The following EDIL3 variants were observed in gnomAD, a reference collection of about 807,000 sequenced individuals.
EDIL3 encodes EGF-like repeat and discoidin I-like domain-containing protein 3.
Under a neutral mutation model 67.4 loss-of-function variants are expected in EDIL3, and 37 were observed. The ratio of observed to expected loss-of-function variants is 0.55; its 90% confidence interval spans 0.42 to 0.72. The LOEUF (loss-of-function observed/expected upper bound fraction) is 0.72, where lower values mean the gene tolerates loss of function less well. Among genes scored for constraint, EDIL3 ranks in the 30% least tolerant of loss-of-function variants. EDIL3 has a pLI of 0.00. For synonymous variants in EDIL3, 195 were observed against 196.3 expected (o/e 0.99, Z 0.05); for missense variants, 527 against 586.3 (o/e 0.90, Z 1.04).
At position 84,071,652 on chromosome 5, in the gene EDIL3, C is replaced by A. The variant is rs1746742357; in HGVS notation, c.652-5046G>T. Among the ~76,000 whole-genome samples the A allele has an allele frequency of 2.0e-5, 3 of 152,096 alleles. No homozygotes were observed. In the South Asian group the frequency reaches 6.2e-4, roughly 32 times the overall value. Reference sequence around the variant, plus strand: ...GCAAGACAGTGTTATAAAACCCTTTCCAGAAGGGAAGAGGATGGATTGCTG... The same window carrying A: ...GCAAGACAGTGTTATAAAACCCTTTACAGAAGGGAAGAGGATGGATTGCTG... On this transcript the variant is annotated intron_variant, in intron 6 of 10. Transcript: ENST00000296591.
chr5:83,997,538 A>T (rs1045550827), intron 9 of EDIL3, among the ~76,000 whole-genome samples: 3 of 152,152 alleles, frequency 2.0e-5, no homozygotes, highest in African/African-American at 7.2e-5. Flanking sequence ...TAGATAGAAA[A>T]GGTAAGCCAT....
chr5:84,357,887 CAAAAAAAAAA>C (rs140686250), intron 1 of EDIL3, among the ~76,000 whole-genome samples: 4 of 79,274 alleles, frequency 5.0e-5, no homozygotes, highest in African/African-American at 2.0e-4. Context: ...GACTCAGTCT[CAAAAAAAAAA>C]AAAAAAAAAA....
At chr5:84,039,663 A>G (rs1746085827) in intron 9 of EDIL3, among the ~76,000 whole-genome samples, 1 of 152,146 alleles carries the variant, frequency 6.6e-6, no homozygotes. Context: ...TGAAAATAGG[A>G]TTGCTGAATT....
At chr5:84,263,979 C>T (rs1745291751) in intron 1 of EDIL3, among the ~76,000 whole-genome samples, 1 of 152,160 alleles carries the variant, frequency 6.6e-6, no homozygotes, top group African/African-American at 2.4e-5. Flanking sequence ...ATGGCTCATG[C>T]CTGTAATCCT....
intron 1 of EDIL3, among the ~76,000 whole-genome samples, chr5:84,344,249 A>G (rs1747191365): frequency 6.6e-6 from 1 of 152,140 alleles, no homozygotes; most frequent in South Asian, 2.1e-4. Context: ...GGCACCATTT[A>G]CCAATTCCTT....
intron 1 of EDIL3, among the ~76,000 whole-genome samples, chr5:84,280,450 G>A (rs890539136): frequency 2.0e-5 from 3 of 152,056 alleles, no homozygotes; most frequent in African/African-American, 7.2e-5. Flanking sequence ...GTATTCTTAT[G>A]GCTATTAAGT....
chr5:84,326,708 G>A (rs1477697193), intron 1 of EDIL3, among the ~76,000 whole-genome samples: 2 of 151,698 alleles, frequency 1.3e-5, no homozygotes, highest in African/African-American at 4.8e-5. Context: ...TGTGATTCTT[G>A]TTTTTCTTGC....
Position 84,168,398 on chromosome 5 carries a change from T to C in EDIL3, c.355+11995A>G, listed in dbSNP as rs560953151. ...AAAATTAAAAATTCAACATCCTAAA[T>C]AGCATTGAATATATTTAAGACCTTC... On this transcript the variant is annotated intron_variant, in intron 4 of 10. Transcript: ENST00000296591. 3.3e-5 allele frequency among the ~76,000 whole-genome samples: 5 copies of C among 152,282 alleles called. No individual in the cohort carries two copies. In the East Asian group the frequency reaches 9.6e-4, roughly 29 times the overall value.
At chr5:84,093,541 A>G (rs1482753314) in intron 6 of EDIL3, among the ~76,000 whole-genome samples, 1 of 151,948 alleles carries the variant, frequency 6.6e-6, no homozygotes, top group African/African-American at 2.4e-5. Context: ...CAGTGCATGT[A>G]TTGAAGCGCA....
Position 83,963,247 on chromosome 5 carries a change from T to C in EDIL3, c.1251A>G (p.Glu417=), listed in dbSNP as rs558194262. 7 of 1,610,538 alleles carry C rather than the reference T, an allele frequency of 4.3e-6. No homozygotes were observed. The South Asian group carries it at 5.5e-5, about 13-fold the overall frequency. The part of the protein sequence containing the change: ...SYKLAYSNDG[E]HWTVYQDEKQ... ...TTTCATCCTGGTATACAGTCCAGTG[T>C]TCTCCATCATTGCTGTAAGCCAGTT... Residue 417 remains glutamate (E), a synonymous_variant, in exon 10 of 11, where the codon GAA becomes GAG. Coordinates refer to ENST00000296591, the MANE Select transcript of EDIL3 (RefSeq NM_005711.5).
intron 3 of EDIL3, among the ~76,000 whole-genome samples, chr5:84,189,509 C>T (rs1743535824): frequency 6.6e-6 from 1 of 151,928 alleles, no homozygotes; most frequent in Non-Finnish European, 1.5e-5. Context: ...ATTAATATGA[C>T]TTTAAAGAAA....
At chr5:84,301,879 A>AT (rs1746169997) in intron 1 of EDIL3, among the ~76,000 whole-genome samples, 1 of 152,100 alleles carries the variant, frequency 6.6e-6, no homozygotes, top group African/African-American at 2.4e-5. Flanking sequence ...AGATGTTTAT[A>AT]TTTTTGCGTG....
At chr5:84,021,654 G>A (rs1177941513) in intron 9 of EDIL3, among the ~76,000 whole-genome samples, 2 of 151,978 alleles carry the variant, frequency 1.3e-5, no homozygotes, top group Non-Finnish European at 2.9e-5. Context: ...ATGCGCTGAT[G>A]AGAACGTTGT....
At chr5:84,316,865 A>G (rs1426569533) in intron 1 of EDIL3, among the ~76,000 whole-genome samples, 1 of 152,138 alleles carries the variant, frequency 6.6e-6, no homozygotes, top group African/African-American at 2.4e-5. Context: ...TGGAAACAAA[A>G]CACTCCTCAC....
At chr5:84,052,702 G>A (rs576665724) in intron 9 of EDIL3, among the ~76,000 whole-genome samples, 36 of 152,276 alleles carry the variant, frequency 2.4e-4, no homozygotes, top group African/African-American at 8.4e-4. Context: ...AAGAGCAAAA[G>A]AGACAAAGAA....
chr5:84,063,275 GAT>G (rs1746576485), intron 8 of EDIL3, among the ~76,000 whole-genome samples: 1 of 152,074 alleles, frequency 6.6e-6, no homozygotes, highest in Admixed American at 6.6e-5. Flanking sequence ...ATTGCTTTAT[GAT>G]AAATGGCTTA....
intron 4 of EDIL3, among the ~76,000 whole-genome samples, chr5:84,160,478 T>G: frequency 6.6e-6 from 1 of 151,904 alleles, no homozygotes; most frequent in Admixed American, 6.6e-5. Context: ...TTTAATACTT[T>G]ATTTTATTTT....
chr5:83,970,256 TTATATATATA>T (rs60143474), intron 9 of EDIL3, among the ~76,000 whole-genome samples: 5 of 128,532 alleles, frequency 3.9e-5, no homozygotes, highest in Admixed American at 7.5e-5. Context: ...GTGTCACTAA[TTATATATATA>T]TATATATATA....
intron 5 of EDIL3, among the ~76,000 whole-genome samples, chr5:84,131,942 G>C (rs1256133320): frequency 6.6e-6 from 1 of 151,800 alleles, no homozygotes; most frequent in East Asian, 1.9e-4. Flanking sequence ...TCAAAAGAAA[G>C]AATATAGGGG....
Sources: allele counts gnomAD v4.1 joint callset (sites outside exome capture counted in the v4.1 genomes callset), GRCh38; gene constraint gnomAD v4.1.1; transcripts MANE v1.5; gene names NCBI Gene and HGNC (gene_info 2026-07-23, HGNC 2026-07-21).